Variants in WDR13 observed in about 807,000 individuals in gnomAD.
WDR13 encodes WD repeat domain 13.
WDR13 carries 1 observed loss-of-function variant against 28.6 expected under a neutral mutation model. That is an observed-to-expected ratio of 0.03 (90% CI 0.01 to 0.17). WDR13 has a LOEUF of 0.17. WDR13 is among the 10% of genes least tolerant of loss of function. The pLI, the probability that WDR13 is intolerant of heterozygous loss-of-function variation, is 1.00. For missense variants in WDR13, 264 were observed against 469.3 expected (o/e 0.56, Z 4.04); for synonymous variants, 201 against 185.9 (o/e 1.08, Z -0.66).
intron 2 of WDR13, chrX:48,598,343 T>C: frequency 9.8e-7 from 1 of 1,020,102 alleles, no homozygotes; most frequent in Non-Finnish European, 1.2e-6. Context: ...TTTTTTTTTT[T>C]TACATCATCA....
intron 2 of WDR13, 30 bp downstream of exon 2, chrX:48,598,067 C>G (rs1366172033): frequency 8.6e-7 from 1 of 1,161,979 alleles, no homozygotes; most frequent in Admixed American, 2.7e-5. Context: ...CCCATGGGAG[C>G]AGAACTTACT....
intron 9 of WDR13, 83 bp from the exon 10 acceptor site, chrX:48,604,765 T>A: frequency 9.3e-7 from 1 of 1,078,440 alleles, no homozygotes; most frequent in Non-Finnish European, 1.3e-6. Context: ...ACATACACCC[T>A]TCAACACCTC....
At chrX:48,601,153 C>T (rs1420178510) in intron 6 of WDR13, among the ~76,000 whole-genome samples, 2 of 112,176 alleles carry the variant, frequency 1.8e-5, no homozygotes, top group African/African-American at 3.2e-5. Context: ...CCAGGGAGCA[C>T]GGGCCAGGGT....
At chrX:48,603,325 C>T (rs942255827) in intron 8 of WDR13, among the ~76,000 whole-genome samples, 5 of 111,694 alleles carry the variant, frequency 4.5e-5, no homozygotes, top group African/African-American at 1.6e-4. Context: ...GCTCCCACCA[C>T]AGTTTTGAAA....
intron 3 of WDR13, 56 bp downstream of exon 3, chrX:48,599,013 C>T (rs2147221729): frequency 8.7e-7 from 1 of 1,153,551 alleles, no homozygotes; most frequent in Non-Finnish European, 1.2e-6. Flanking sequence ...ACATTCACTC[C>T]ACTGACTTTC....
chrX:48,602,419 G>A (rs922956096), intron 8 of WDR13, among the ~76,000 whole-genome samples: 9 of 111,405 alleles, frequency 8.1e-5, no homozygotes, highest in Admixed American at 3.8e-4. Flanking sequence ...TCCTTGCACC[G>A]ACCTGTGAGG....
chrX:48,598,390 C>T (rs1280094165), intron 2 of WDR13: 1 of 1,011,759 alleles, frequency 9.9e-7, no homozygotes, highest in Non-Finnish European at 1.2e-6. Flanking sequence ...CCAACGCTGA[C>T]CCCCATAATG....
At position 48,607,308 on chromosome X, in the gene WDR13, C is replaced by G. The variant is rs2062225947; in HGVS notation, c.*2276C>G. ...ACAATACATGCGAAATGTTGCTGAC[C>G]AAGGAAGCTCAATTAGAGACTCAGC... On this transcript the variant is annotated 3_prime_UTR_variant, in exon 10 of 10. Coordinates refer to ENST00000376729, the MANE Select transcript of WDR13 (RefSeq NM_001347217.2). 1 of 99,633 alleles carries G rather than the reference C, an allele frequency of 1.0e-5. No individual in the cohort carries two copies. The highest frequency in any genetic ancestry group is 2.0e-5 in the Non-Finnish European group (1 of 50,910). The allele number at this position is 99,633 out of a possible 1,213,427, so 8.2% of individuals were successfully genotyped here.
chrX:48,604,343 G>A lies in WDR13; in HGVS notation c.1226G>A (p.Arg409His), dbSNP rs782721320. ...FPIEQSSHPVRSIFCPLMSFR... is the reference protein window; with the variant it reads ...FPIEQSSHPVHSIFCPLMSFR... The stretch of plus-strand genomic sequence containing the variant: ...ATCGAGCAGAGCTCACATCCTGTGC[G>A]CAGCATCTTCTGTCCCCTCATGTCC... Residue 409 changes from arginine (R) to histidine (H), a missense_variant, in exon 9 of 10, where the codon CGC (arginine) becomes CAC (histidine). Coordinates refer to ENST00000376729, the MANE Select transcript of WDR13 (RefSeq NM_001347217.2). 16 of 1,210,864 alleles carry A rather than the reference G, an allele frequency of 1.3e-5. No homozygotes were observed. The highest frequency in any genetic ancestry group is 1.7e-5 in the Non-Finnish European group (15 of 895,058).
chrX:48,600,806 C>T lies in WDR13; in HGVS notation c.831+180C>T, dbSNP rs1341130608. ...CTTAAAAGGGAAGCAGATCAGAAGA[C>T]GGGAGTGGGCCAGGCGCAGTGGCTC... On this transcript the variant is annotated intron_variant, in intron 6 of 9. Coordinates refer to ENST00000376729, the MANE Select transcript of WDR13 (RefSeq NM_001347217.2). The T allele has an allele frequency of 1.3e-5, 7 of 521,590 alleles. No individual in the cohort carries two copies. In the East Asian group the frequency reaches 1.5e-4, roughly 11 times the overall value. 43.0% of individuals were successfully genotyped at this position (521,590 alleles called of 1,213,427 possible). A position where few individuals can be genotyped will look rare whatever the true frequency, so the allele number is the denominator to read the frequency against.
At position 48,599,424 on chromosome X, in the gene WDR13, G is replaced by A; in HGVS notation, c.354G>A (p.Gln118=). 1.7e-6 allele frequency: 2 copies of A among 1,210,792 alleles called. No individual in the cohort carries two copies. Among genetic ancestry groups the A allele is most frequent in the Non-Finnish European group, 2.2e-6 (2 of 894,674 alleles). The change falls in exon 4 of 10, where the codon CAG becomes CAA. Residue 118 remains glutamine, a synonymous_variant. Transcript: ENST00000376729. The part of the protein sequence containing the change: ...HRRSVSRGSY[Q]LQAQMNRAVY... ...GTTCTGTCAGCAGAGGCTCCTACCA[G>A]CTGCAGGCGCAGATGAACCGTGCCG... is the stretch of plus-strand genomic sequence containing the variant.
At position 48,607,766 on chromosome X, in the gene WDR13, CTTTTTT is replaced by C. The variant is rs781868852; in HGVS notation, c.*2746_*2751del. 6 of 97,954 alleles carry C rather than the reference CTTTTTT, an allele frequency of 6.1e-5. No individual in the cohort carries two copies. Among genetic ancestry groups the C allele is most frequent in the Non-Finnish European group, 8.3e-5 (4 of 48,104 alleles). The allele number at this position is 97,954 out of a possible 1,213,427, so 8.1% of individuals were successfully genotyped here. The stretch of plus-strand genomic sequence containing the variant: ...AAAGCAGGGGCTCAGCATAAACCAC[CTTTTTT>C]TTTTTTTTTTTAATTGAGACGGAGT... On this transcript the variant is annotated 3_prime_UTR_variant, in exon 10 of 10. Transcript: ENST00000376729.
At chrX:48,599,045 G>C in intron 3 of WDR13, 88 bp downstream of exon 3, 1 of 1,118,267 alleles carries the variant, frequency 8.9e-7, no homozygotes, top group Non-Finnish European at 1.2e-6. Flanking sequence ...GCTCTTTGCT[G>C]GGCACTGTTC....
intron 5 of WDR13, chrX:48,600,010 G>C: frequency 2.4e-6 from 1 of 414,801 alleles, no homozygotes; most frequent in Non-Finnish European, 4.1e-6. Context: ...AGAGGGCAGA[G>C]TGGGCTACAG....
At chrX:48,601,616 G>A (rs1411776143) in intron 6 of WDR13, among the ~76,000 whole-genome samples, 168 bp from the exon 7 acceptor site, 10 of 112,019 alleles carry the variant, frequency 8.9e-5, no homozygotes, top group African/African-American at 3.2e-4. Flanking sequence ...AAAGGGGCTG[G>A]CTAGGGAGGT....
intron 6 of WDR13, 65 bp from the exon 7 acceptor site, chrX:48,601,719 C>G (rs1166128965): frequency 9.3e-7 from 1 of 1,077,766 alleles, no homozygotes; most frequent in African/African-American, 1.9e-5. Context: ...AGCAGCCCCA[C>G]TGTGGTCAGA....
At chrX:48,602,022 GC>G (rs1556994779) in intron 7 of WDR13, 42 bp from the exon 8 acceptor site, 23 of 1,201,686 alleles carry the variant, frequency 1.9e-5, no homozygotes, top group Non-Finnish European at 2.6e-5. Context: ...CCAGGGCACA[GC>G]CCTCACCCTC....
At chrX:48,598,427 T>C (rs1401860853) in intron 2 of WDR13, 1 of 1,012,342 alleles carries the variant, frequency 9.9e-7, no homozygotes, top group African/African-American at 2.0e-5. Context: ...CGCCCTGGTA[T>C]ACTGACCCTA....
rs782807671 is a variant in WDR13, at chrX:48,607,448, G to A, written c.*2416G>A. On this transcript the variant is annotated 3_prime_UTR_variant, in exon 10 of 10. Coordinates refer to ENST00000376729, the MANE Select transcript of WDR13 (RefSeq NM_001347217.2). The stretch of plus-strand genomic sequence containing the variant: ...AGTGGCATGATCTTGGCTCACTGCA[G>A]CCTCCACCTCCTGGGTTCAAGCGAT... 1.5e-3 allele frequency: 140 copies of A among 94,194 alleles called. No homozygotes were observed. Among genetic ancestry groups the A allele is most frequent in the Non-Finnish European group, 2.1e-3 (104 of 48,404 alleles). The allele number at this position is 94,194 out of a possible 1,213,427, so 7.8% of individuals were successfully genotyped here.
Sources: gnomAD v4.1 joint callset for allele counts (sites outside exome capture counted in the v4.1 genomes callset) on GRCh38, gnomAD v4.1.1 for gene constraint, MANE v1.5 for transcripts, NCBI Gene and HGNC (gene_info 2026-07-23, HGNC 2026-07-21) for gene names.